FBRSL1: variants seen among roughly 807,000 people sequenced by gnomAD.
The protein encoded by FBRSL1 is fibrosin like 1, also known as fibrosin-1-like protein.
In FBRSL1, 51 loss-of-function variants were observed where a neutral mutation model predicts 89.6. The observed-to-expected ratio is 0.57, with a 90% confidence interval of 0.45 to 0.72. FBRSL1 has a LOEUF of 0.72. Ranked by LOEUF, FBRSL1 falls within the 30% of genes least tolerant of loss-of-function variation. FBRSL1 has a pLI of 0.00. For missense variants in FBRSL1, 1,618 were observed against 1,451.8 expected (o/e 1.11, Z -1.86); for synonymous variants, 779 against 681.1 (o/e 1.14, Z -2.24).
intron 2 of FBRSL1, among the ~76,000 whole-genome samples, chr12:132,523,983 TGA>T (rs1378524176): frequency 3.9e-5 from 6 of 152,066 alleles, no homozygotes; most frequent in African/African-American, 1.2e-4. Context: ...GGAGAGGTTG[TGA>T]GAGTCCAGCT....
chr12:132,567,490 G>A lies in FBRSL1; in HGVS notation c.655G>A (p.Gly219Ser). ...CCTTCTCTCTCTCCAGGCATCCGTG[G>A]GCTCTGAGAAGCTCTTTGCGCCGGG... is the stretch of plus-strand genomic sequence containing the variant. ...ESGPDDKASVGSEKLFAPGTD... is the reference protein window; with the variant it reads ...ESGPDDKASVSSEKLFAPGTD... The change falls in exon 6 of 19, where the codon GGC becomes AGC. Residue 219 changes from glycine to serine, a missense_variant. Gly to Ser is a moderately conservative substitution (Grantham distance 56). Coordinates refer to ENST00000680143, the MANE Select transcript of FBRSL1 (RefSeq NM_001367871.1). The A allele has an allele frequency of 6.4e-7, 1 of 1,551,136 alleles. No individual in the cohort carries two copies. The highest frequency in any genetic ancestry group is 2.4e-5 in the East Asian group (1 of 40,918).
intron 5 of FBRSL1, among the ~76,000 whole-genome samples, chr12:132,564,683 G>C (rs1290194024): frequency 5.1e-5 from 5 of 97,692 alleles, no homozygotes; most frequent in African/African-American, 5.6e-5. Flanking sequence ...TTTTAGTAGA[G>C]ACGGGGTTTC....
chr12:132,493,873 G>A (rs1223291394), intron 1 of FBRSL1, among the ~76,000 whole-genome samples: 3 of 152,248 alleles, frequency 2.0e-5, no homozygotes, highest in Non-Finnish European at 4.4e-5. Flanking sequence ...GGTGGTGGTG[G>A]TGGTTGTGGG....
At position 132,542,590 on chromosome 12, in the gene FBRSL1, G is replaced by C. The variant is rs889279914; in HGVS notation, c.616-5413G>C. 2.6e-5 allele frequency among the ~76,000 whole-genome samples: 4 copies of C among 152,206 alleles called. No individual in the cohort carries two copies. The South Asian group carries it at 8.3e-4, about 31-fold the overall frequency. ...CTCTCCCACCCACTGGGCCCAGACA[G>C]CTCTCCTGGATGGGAAGCTGGGGAG... On this transcript the variant is annotated intron_variant, in intron 4 of 18. Coordinates refer to ENST00000680143, the MANE Select transcript of FBRSL1 (RefSeq NM_001367871.1).
rs1445604116 is a variant in FBRSL1 at position 132,490,470 on chromosome 12, C to T, written c.-101C>T. On this transcript the variant is annotated 5_prime_UTR_variant, in exon 1 of 19. Transcript: ENST00000680143. ...GCCCAGGGCCCGAGCCCGCGCGGCG[C>T]ACACTCAGCCCGGCGGCGCCGCGTA... 5 of 839,694 alleles carry T rather than the reference C, an allele frequency of 6.0e-6. No homozygotes were observed. Among genetic ancestry groups the T allele is most frequent in the Admixed American group, 6.5e-5 (1 of 15,442 alleles). The allele number at this position is 839,694 out of a possible 1,614,324, so 52.0% of individuals were successfully genotyped here. A position where few individuals can be genotyped will look rare whatever the true frequency, so the allele number is the denominator to read the frequency against.
rs79477993 is a variant in FBRSL1 at position 132,549,936 on chromosome 12, G to A, written c.645+1904G>A. On this transcript the variant is annotated intron_variant, in intron 5 of 18. Coordinates refer to ENST00000680143, the MANE Select transcript of FBRSL1 (RefSeq NM_001367871.1). ...TCAGGTGGAGTCTGCACACTGGGGC[G>A]TTTATTTCTGAGACGCCCAAGCAGC... Among the ~76,000 whole-genome samples, 639 of 152,352 alleles carry A rather than the reference G, an allele frequency of 4.2e-3. 2 individuals carry two copies. Among genetic ancestry groups the A allele is most frequent in the African/African-American group, 0.015 (609 of 41,576 alleles).
chr12:132,500,889 T>A (rs1210995538), intron 1 of FBRSL1, among the ~76,000 whole-genome samples: 1 of 152,168 alleles, frequency 6.6e-6, no homozygotes, highest in Admixed American at 6.5e-5. Context: ...CTGCCCCAGT[T>A]GCTGCTGCTC....
chr12:132,515,899 CAAA>C (rs60767937), intron 2 of FBRSL1, among the ~76,000 whole-genome samples: 5 of 65,634 alleles, frequency 7.6e-5, no homozygotes, highest in African/African-American at 1.8e-4. Context: ...GACTCCGTCT[CAAA>C]AAAAAAAAAA....
intron 1 of FBRSL1, among the ~76,000 whole-genome samples, chr12:132,493,955 G>A (rs1472321080): frequency 6.6e-6 from 1 of 151,578 alleles, no homozygotes; most frequent in Non-Finnish European, 1.5e-5. Context: ...ATGATTAACT[G>A]CCCATAGAGA....
intron 14 of FBRSL1, 141 bp from the exon 15 acceptor site, chr12:132,576,658 G>C (rs12820903): frequency 2.1e-6 from 2 of 969,996 alleles, no homozygotes; most frequent in Non-Finnish European, 3.0e-6. Context: ...CCTGAGTAGA[G>C]AATACACCCT....
chr12:132,574,514 G>C lies in FBRSL1; in HGVS notation c.1651G>C (p.Val551Leu). The C allele has an allele frequency of 6.5e-6, 10 of 1,550,246 alleles. No individual in the cohort carries two copies. Among genetic ancestry groups the C allele is most frequent in the Non-Finnish European group, 8.7e-6 (10 of 1,146,808 alleles). The change falls in exon 14 of 19, where the codon GTG (valine) becomes CTG (leucine). Residue 551 changes from valine (V) to leucine (L), a missense_variant. By Grantham distance (32) the Val-to-Leu change is conservative. Transcript: ENST00000680143. ...VVKKPGRWCA[V>L]HVQIAWQIYR... is the part of the protein sequence containing the mutation. The stretch of plus-strand genomic sequence containing the variant: ...GCAGAAGCCGGGGAGGTGGTGTGCC[G>C]TGCACGTGCAGATCGCCTGGCAGAT...
rs912368150 is a variant in FBRSL1, at chr12:132,583,458, C to T, written c.2689C>T (p.Arg897Cys). ...DREPHGYSPE[R>C]LRGELERARA... ...CGAGCCCCACGGCTACAGCCCCGAGCGCCTGCGCGGGGAGCTGGAGCGCGC... is the reference window on the plus strand; with the variant it reads ...CGAGCCCCACGGCTACAGCCCCGAGTGCCTGCGCGGGGAGCTGGAGCGCGC... Residue 897 changes from arginine to cysteine, a missense_variant, in exon 19 of 19, where the codon CGC (arginine) becomes TGC (cysteine). Arg to Cys is a radical substitution (Grantham distance 180). Transcript: ENST00000680143. 22 of 1,062,578 alleles carry T rather than the reference C, an allele frequency of 2.1e-5. No homozygotes were observed. Among genetic ancestry groups the T allele is most frequent in the South Asian group, 1.2e-4 (4 of 34,010 alleles). The allele number at this position is 1,062,578 out of a possible 1,614,324, so 65.8% of individuals were successfully genotyped here.
chr12:132,543,863 G>C (rs2037465772), intron 4 of FBRSL1, among the ~76,000 whole-genome samples: 1 of 152,230 alleles, frequency 6.6e-6, no homozygotes, highest in African/African-American at 2.4e-5. Flanking sequence ...CCCAGCCCGG[G>C]ATGGAGGTGG....
chr12:132,513,685 G>A (rs985270088), intron 2 of FBRSL1, among the ~76,000 whole-genome samples: 1 of 152,188 alleles, frequency 6.6e-6, no homozygotes, highest in Non-Finnish European at 1.5e-5. Flanking sequence ...CAGAGCCCAC[G>A]GCAGACGAGG....
At chr12:132,581,901 C>G in intron 17 of FBRSL1, 77 bp downstream of exon 17, 3 of 1,397,978 alleles carry the variant, frequency 2.1e-6, no homozygotes, top group Non-Finnish European at 2.9e-6. Context: ...GCAGGAACCC[C>G]GATGCCTGGC....
intron 4 of FBRSL1, among the ~76,000 whole-genome samples, chr12:132,541,698 GCTGCCGGTGC>G (rs2037284818): frequency 6.6e-6 from 1 of 152,240 alleles, no homozygotes; most frequent in Admixed American, 6.5e-5. Flanking sequence ...AGCCCTGGGG[GCTGCCGGTGC>G]CACGCCAGCC....
chr12:132,564,603 C>T (rs1366181784), intron 5 of FBRSL1, among the ~76,000 whole-genome samples: 1 of 128,446 alleles, frequency 7.8e-6, no homozygotes, highest in African/African-American at 3.1e-5. Context: ...TCACGCCATT[C>T]TCCTGCCTCA....
At chr12:132,520,126 CT>C (rs2035217395) in intron 2 of FBRSL1, among the ~76,000 whole-genome samples, 2 of 150,218 alleles carry the variant, frequency 1.3e-5, no homozygotes, top group East Asian at 4.0e-4. Flanking sequence ...CCAGCACCCC[CT>C]CCTTGCACCC....
intron 5 of FBRSL1, among the ~76,000 whole-genome samples, chr12:132,562,749 T>C (rs1317064238): frequency 6.6e-6 from 1 of 152,056 alleles, no homozygotes; most frequent in Non-Finnish European, 1.5e-5. Context: ...CGTGTGGGTG[T>C]GGCAGGCCCG....
Sources: gnomAD v4.1 joint callset for allele counts (sites outside exome capture counted in the v4.1 genomes callset) on GRCh38, gnomAD v4.1.1 for gene constraint, MANE v1.5 for transcripts, NCBI Gene and HGNC (gene_info 2026-07-23, HGNC 2026-07-21) for gene names.